OCA2: variants seen among roughly 807,000 people sequenced by gnomAD.
OCA2 encodes P protein.
In OCA2, 77 loss-of-function variants were observed where a neutral mutation model predicts 100.2. That is an observed-to-expected ratio of 0.77 (90% CI 0.64 to 0.93). The LOEUF is 0.93. OCA2 is among the 40% of genes least tolerant of loss of function. The pLI is 0.00. For synonymous variants in OCA2, 432 were observed against 439.2 expected, an observed-to-expected ratio of 0.98 and a Z score of 0.21; for missense variants, 1,062 against 1,089.1, an observed-to-expected ratio of 0.98 and a Z score of 0.35.
At chr15:27,888,479 C>T (rs571607734) in intron 19 of OCA2, among the ~76,000 whole-genome samples, 4 of 152,118 alleles carry the variant, frequency 2.6e-5, no homozygotes, top group African/African-American at 9.6e-5. Flanking sequence ...TGAGATATAT[C>T]GGATGCTGGA....
chr15:27,747,144 C>G, the OCA2 span, among the ~76,000 whole-genome samples: 2 of 152,188 alleles, frequency 1.3e-5, no homozygotes, highest in African/African-American at 2.4e-5. Context: ...TCCAGCCCCC[C>G]ACCACCAACA....
At chr15:27,991,463 A>T (rs2041552493) in intron 9 of OCA2, among the ~76,000 whole-genome samples, 1 of 152,208 alleles carries the variant, frequency 6.6e-6, no homozygotes, top group African/African-American at 2.4e-5. Context: ...ATGCTGGGGA[A>T]AGAAGCCAGA....
At chr15:27,954,333 T>C (rs1004857277) in intron 17 of OCA2, among the ~76,000 whole-genome samples, 6 of 152,188 alleles carry the variant, frequency 3.9e-5, no homozygotes, top group Admixed American at 2.0e-4. Context: ...TGTATGAACT[T>C]GGGGCCTGCA....
chr15:27,842,302 G>T (rs75517852), intron 23 of OCA2, among the ~76,000 whole-genome samples: 78 of 152,236 alleles, frequency 5.1e-4, no homozygotes, highest in Non-Finnish European at 7.8e-4. Flanking sequence ...ACCAAATTAC[G>T]ATCAGTGGCT....
intron 2 of OCA2, among the ~76,000 whole-genome samples, chr15:28,041,897 TA>T (rs1233379635): frequency 6.6e-6 from 1 of 152,192 alleles, no homozygotes; most frequent in Non-Finnish European, 1.5e-5. Context: ...TATTTGGTTT[TA>T]GATAGAAAGA....
intron 21 of OCA2, among the ~76,000 whole-genome samples, chr15:27,859,769 C>G (rs1006657445): frequency 2.6e-5 from 4 of 152,148 alleles, no homozygotes; most frequent in African/African-American, 9.7e-5. Context: ...GTAGTCTATA[C>G]CAACGTTCTT....
chr15:27,798,369 AGAG>A (rs1380125179), intron 23 of OCA2, among the ~76,000 whole-genome samples: 2 of 152,164 alleles, frequency 1.3e-5, no homozygotes. Context: ...CTACCGTAGG[AGAG>A]GAGTTTTTGA....
chr15:27,999,323 T>A (rs919909773), intron 9 of OCA2, among the ~76,000 whole-genome samples: 7 of 152,170 alleles, frequency 4.6e-5, no homozygotes, highest in Non-Finnish European at 8.8e-5. Flanking sequence ...CGCAAATCAA[T>A]AAATGTGATA....
chr15:27,973,918 C>G (rs1033848406), intron 14 of OCA2, among the ~76,000 whole-genome samples: 2 of 152,066 alleles, frequency 1.3e-5, no homozygotes, highest in Non-Finnish European at 2.9e-5. Flanking sequence ...TAAGTATATC[C>G]CTAGGTATTT....
At chr15:27,937,821 G>A (rs2039510599) in intron 18 of OCA2, among the ~76,000 whole-genome samples, 1 of 152,108 alleles carries the variant, frequency 6.6e-6, no homozygotes, top group Admixed American at 6.5e-5. Context: ...TTCCAAATGT[G>A]ACAATGGATG....
Position 28,031,540 on chromosome 15 carries a change from G to T in OCA2, c.326+525C>A, listed in dbSNP as rs3829488. Among the ~76,000 whole-genome samples the T allele has an allele frequency of 0.066, 9,984 of 152,272 alleles. 1,339 individuals are homozygous for T. The East Asian group carries it at 0.66, about 10-fold the overall frequency. ...GGCAATTCCAGAACCACCCTGATTT[G>T]TGCCCAAAAAGGACCTGCAAGTTTG... On this transcript the variant is annotated intron_variant, in intron 3 of 23. Transcript: ENST00000354638.
At chr15:27,990,671 C>G (rs777957756) in intron 9 of OCA2, 24 bp from the exon 10 acceptor site, 1 of 1,609,700 alleles carries the variant, frequency 6.2e-7, no homozygotes, top group Non-Finnish European at 8.5e-7. Flanking sequence ...CAGGAAATTA[C>G]CGCGTTCCAG....
At chr15:28,046,304 G>A (rs2043345304) in intron 2 of OCA2, among the ~76,000 whole-genome samples, 1 of 152,196 alleles carries the variant, frequency 6.6e-6, no homozygotes, top group Non-Finnish European at 1.5e-5. Flanking sequence ...AGAGTGTAGG[G>A]AAAACACACG....
At chr15:27,891,772 C>G (rs2037471705) in intron 19 of OCA2, among the ~76,000 whole-genome samples, 2 of 152,056 alleles carry the variant, frequency 1.3e-5, no homozygotes, top group Admixed American at 1.3e-4. Context: ...CATATTTAAG[C>G]ATTAACATAT....
intron 23 of OCA2, among the ~76,000 whole-genome samples, chr15:27,822,541 C>T (rs944398466): frequency 4.6e-5 from 7 of 152,142 alleles, no homozygotes; most frequent in African/African-American, 1.7e-4. Context: ...TGTTTCATGT[C>T]CTTACCAATG....
chr15:28,093,017 C>A (rs1188741424), intron 1 of OCA2, among the ~76,000 whole-genome samples: 2 of 151,870 alleles, frequency 1.3e-5, no homozygotes, highest in Non-Finnish European at 1.5e-5. Context: ...GTAAAATGGG[C>A]AAAGATTTCA....
At chr15:27,727,865 A>G in the OCA2 span, among the ~76,000 whole-genome samples, 1 of 152,206 alleles carries the variant, frequency 6.6e-6, no homozygotes, top group Non-Finnish European at 1.5e-5. Context: ...GTCCTCCCCA[A>G]TTCAATATCC....
intron 1 of OCA2, among the ~76,000 whole-genome samples, chr15:28,089,555 A>G (rs564667298): frequency 2.2e-4 from 33 of 152,328 alleles, no homozygotes; most frequent in African/African-American, 7.0e-4. Context: ...TCCCGCAACA[A>G]CAAATCAAAA....
At chr15:27,985,218 G>C in intron 12 of OCA2, 30 bp from the exon 13 acceptor site, 1 of 1,613,054 alleles carries the variant, frequency 6.2e-7, no homozygotes, top group Non-Finnish European at 8.5e-7. Flanking sequence ...GAGAGTACAA[G>C]CCAGAGTGAG....
Sources: allele counts gnomAD v4.1 joint callset (sites outside exome capture counted in the v4.1 genomes callset), GRCh38; gene constraint gnomAD v4.1.1; transcripts MANE v1.5; gene names NCBI Gene and HGNC (gene_info 2026-07-23, HGNC 2026-07-21).